Variants in IGDCC4 observed in about 807,000 individuals in gnomAD.
IGDCC4 encodes the protein likely ortholog of mouse neighbor of Punc E11.
A neutral mutation model predicts 116.6 loss-of-function variants in IGDCC4; 72 were observed. That is an observed-to-expected ratio of 0.62 (90% CI 0.51 to 0.75). The LOEUF (loss-of-function observed/expected upper bound fraction) is 0.75, where lower values mean the gene tolerates loss of function less well. Among genes scored for constraint, IGDCC4 ranks in the 30% least tolerant of loss-of-function variants. The pLI is 0.00. For missense variants in IGDCC4, 1,501 were observed against 1,662.4 expected, an observed-to-expected ratio of 0.90 and a Z score of 1.69; for synonymous variants, 709 against 719.9, an observed-to-expected ratio of 0.98 and a Z score of 0.24.
At chr15:65,390,131 A>G (rs779046616) in intron 13 of IGDCC4, 24 bp downstream of exon 13, 6 of 1,524,616 alleles carry the variant, frequency 3.9e-6, no homozygotes, top group East Asian at 2.3e-5. Flanking sequence ...CCTTCTTTAC[A>G]TTAGTAAAGG....
intron 18 of IGDCC4, chr15:65,385,337 C>T (rs995401786): frequency 1.7e-6 from 1 of 580,518 alleles, no homozygotes; most frequent in Non-Finnish European, 3.0e-6. Context: ...GAACACCAGA[C>T]GCTCTGCAAA....
At chr15:65,409,558 G>A (rs1183303550) in intron 3 of IGDCC4, among the ~76,000 whole-genome samples, 1 of 152,202 alleles carries the variant, frequency 6.6e-6, no homozygotes, top group Non-Finnish European at 1.5e-5. Flanking sequence ...TACCCAGGAA[G>A]CCACAAGAGG....
At chr15:65,396,220 C>CCCCCCCCCCCCCCCCCCT (rs1567084979) in intron 6 of IGDCC4, 57 bp from the exon 7 acceptor site, 1 of 1,321,438 alleles carries the variant, frequency 7.6e-7, no homozygotes, top group Non-Finnish European at 9.7e-7. Flanking sequence ...GTCTCTGCCC[C>CCCCCCCCCCCCCCCCCCT]CCCCCCAGTA....
chr15:65,399,625 T>C (rs1295917267), intron 5 of IGDCC4, among the ~76,000 whole-genome samples: 1 of 152,196 alleles, frequency 6.6e-6, no homozygotes. Flanking sequence ...ACAAGGGTCC[T>C]GCTGGCCCCC....
Position 65,384,386 on chromosome 15 carries a change from T to C in IGDCC4, c.3376A>G (p.Arg1126Gly). The change falls in exon 20 of 20, where the codon AGG becomes GGG. Residue 1126 changes from arginine to glycine, a missense_variant. This residue lies in a region of IGDCC4 where 368 missense variants were observed against 355.6 expected (regional missense o/e 1.03). Coordinates refer to ENST00000352385, the MANE Select transcript of IGDCC4 (RefSeq NM_020962.3). The surrounding 1 kb of genome is among the most constrained non-coding windows in gnomAD (Gnocchi z 4.9). ...NGRKKSPPAC[R>G]NQVEAEVIVH... ...ATGACTTCAGCCTCCACCTGGTTCC[T>C]GCAGGCTGGGGGTGACTTCTTCCTC... 6.5e-7 allele frequency: 1 copy of C among 1,534,414 alleles called. No individual in the cohort carries two copies. Among genetic ancestry groups the C allele is most frequent in the Non-Finnish European group, 8.7e-7 (1 of 1,142,926 alleles).
rs2091426612 is a variant in IGDCC4, at chr15:65,383,944, G to A, written c.*65C>T. ...ACAGGCACACATGTGGACATACACG[G>A]CCACAGGTATCGCATCCTATGTGAT... On this transcript the variant is annotated 3_prime_UTR_variant, in exon 20 of 20. Transcript: ENST00000352385. The A allele has an allele frequency of 2.8e-6, 4 of 1,407,824 alleles. No individual in the cohort carries two copies. Among genetic ancestry groups the A allele is most frequent in the Non-Finnish European group, 2.9e-6 (3 of 1,049,204 alleles). The allele number at this position is 1,407,824 out of a possible 1,614,324, so 87.2% of individuals were successfully genotyped here.
chr15:65,422,248 G>A lies in IGDCC4; in HGVS notation c.70+545C>T, dbSNP rs139877393. ...CACCCCCAGTCAAACGGGATCCATC[G>A]CTCTGTCCCCCACTATGGGCAAGGA... On this transcript the variant is annotated intron_variant, in intron 1 of 19. Transcript: ENST00000352385. 2.0e-5 allele frequency among the ~76,000 whole-genome samples: 3 copies of A among 152,012 alleles called. No homozygotes were observed. The East Asian group carries it at 5.8e-4, about 30-fold the overall frequency.
At chr15:65,414,141 A>C (rs974224621) in intron 1 of IGDCC4, among the ~76,000 whole-genome samples, 3 of 152,210 alleles carry the variant, frequency 2.0e-5, no homozygotes, top group Non-Finnish European at 4.4e-5. Context: ...CCTTCCCACC[A>C]GCTCCAAAGA....
intron 13 of IGDCC4, 53 bp downstream of exon 13, chr15:65,390,102 C>A (rs201844312): frequency 3.3e-5 from 49 of 1,466,640 alleles, no homozygotes; most frequent in Non-Finnish European, 7.4e-6. Flanking sequence ...CCACCACCAC[C>A]CCCCACCTAT....
chr15:65,412,495 G>A (rs1318325003), intron 1 of IGDCC4, among the ~76,000 whole-genome samples: 2 of 98,062 alleles, frequency 2.0e-5, no homozygotes, highest in East Asian at 7.2e-4. Flanking sequence ...CTGGGTGACA[G>A]AATGAGATTC....
rs914670016 is a variant in IGDCC4, at chr15:65,382,105, A to AT, written c.*1903_*1904insA. On this transcript the variant is annotated 3_prime_UTR_variant, in exon 20 of 20. Transcript: ENST00000352385. ...TTTTTTTTCTTCTTTAAAAAAAAAAAATCAAACCAGCAAAATAAAATGAGG... is the reference window on the plus strand; with the variant it reads ...TTTTTTTTCTTCTTTAAAAAAAAAAATATCAAACCAGCAAAATAAAATGAGG... 6.6e-6 allele frequency: 1 copy of AT among 152,546 alleles called. No homozygotes were observed. The highest frequency in any genetic ancestry group is 1.5e-5 in the Non-Finnish European group (1 of 68,026). The allele number at this position is 152,546 out of a possible 1,614,324, so 9.4% of individuals were successfully genotyped here. A position where few individuals can be genotyped will look rare whatever the true frequency, so the allele number is the denominator to read the frequency against.
intron 1 of IGDCC4, among the ~76,000 whole-genome samples, chr15:65,415,642 T>C (rs187272924): frequency 1.0e-3 from 154 of 152,240 alleles, no homozygotes; most frequent in African/African-American, 3.5e-3. Flanking sequence ...AACTGAGGCC[T>C]GGGGAGGGGT....
chr15:65,394,194 G>A (rs1469343213), intron 9 of IGDCC4, among the ~76,000 whole-genome samples: 1 of 152,036 alleles, frequency 6.6e-6, no homozygotes, highest in African/African-American at 2.4e-5. Context: ...GAGGGGTTGG[G>A]GTGAGAGCCC....
In IGDCC4 at chr15:65,395,746, G is replaced by C. The variant is rs372081745; in HGVS notation, c.1411+4C>G. On this transcript the variant is annotated splice_donor_region_variant and intron_variant, in intron 7 of 19. Transcript: ENST00000352385. ...CTGGTGCATCCCGCCCCAGGCCGAC[G>C]TACCCCGTGCCTTCTGGTAGTGGAG... is the stretch of plus-strand genomic sequence containing the variant. 2 of 1,435,920 alleles carry C rather than the reference G, an allele frequency of 1.4e-6. No homozygotes were observed. Among genetic ancestry groups the C allele is most frequent in the South Asian group, 1.4e-5 (1 of 69,132 alleles). 88.9% of individuals were successfully genotyped at this position (1,435,920 alleles called of 1,614,324 possible). A position where few individuals can be genotyped will look rare whatever the true frequency, so the allele number is the denominator to read the frequency against.
Position 65,411,067 on chromosome 15 carries a change from C to T in IGDCC4, c.374G>A (p.Gly125Asp), listed in dbSNP as rs775747346. Residue 125 changes from glycine to aspartate, a missense_variant, in exon 2 of 20, where the codon GGC becomes GAC. Physicochemically the swap from Gly to Asp is moderately conservative, Grantham distance 94 (BLOSUM62 -1). Transcript: ENST00000352385. ...CTGGCTGGCCAGCACTCCGAGGGGG[C>T]CGTGGGCTAGGCACGAATAGTTGCC... is the stretch of plus-strand genomic sequence containing the variant. ...IEGNYSCLAHGPLGVLASQTA... is the reference protein window; with the variant it reads ...IEGNYSCLAHDPLGVLASQTA... 1 of 1,613,950 alleles carries T rather than the reference C, an allele frequency of 6.2e-7. No homozygotes were observed. The highest frequency in any genetic ancestry group is 1.7e-5 in the Admixed American group (1 of 60,004).
rs780946220 is a variant in IGDCC4, at chr15:65,384,189, G to A, written c.3573C>T (p.Ala1191=). Residue 1191 remains alanine (A), a synonymous_variant, in exon 20 of 20, where the codon GCC becomes GCT. Transcript: ENST00000352385. This position sits in a 1 kb window ranked among gnomAD's most constrained non-coding sequence, Gnocchi z 4.9. ...DRELGGCELA[A]PGPDRLTCLP... Reference sequence around the variant, plus strand: ...AGCAGGTAAGTCTGTCTGGCCCGGGGGCTGCCAGCTCACACCCTCCCAACT... The same window carrying A: ...AGCAGGTAAGTCTGTCTGGCCCGGGAGCTGCCAGCTCACACCCTCCCAACT... The A allele has an allele frequency of 6.2e-7, 1 of 1,612,496 alleles. No homozygotes were observed.
At position 65,422,838 on chromosome 15, in the gene IGDCC4, C is replaced by G; in HGVS notation, c.25G>C (p.Gly9Arg). Residue 9 changes from glycine (G) to arginine (R), a missense_variant, in exon 1 of 20, where the codon GGC becomes CGC. Gly to Arg is a moderately radical substitution (Grantham distance 125, BLOSUM62 -2). Coordinates refer to ENST00000352385, the MANE Select transcript of IGDCC4 (RefSeq NM_020962.3). MARGDAGR[G>R]RGLLALTFCL... ...AAGGTCAACGCGAGGAGCCCGCGGC[C>G]GCGGCCGGCGTCCCCCCGCGCCATG... 1 of 1,210,424 alleles carries G rather than the reference C, an allele frequency of 8.3e-7. No individual in the cohort carries two copies. 75.0% of individuals were successfully genotyped at this position (1,210,424 alleles called of 1,614,324 possible).
At chr15:65,397,268 C>G (rs1376583375) in intron 5 of IGDCC4, among the ~76,000 whole-genome samples, 1 of 152,196 alleles carries the variant, frequency 6.6e-6, no homozygotes, top group Admixed American at 6.5e-5. Context: ...TCAGCACACT[C>G]GTCAGTTTTC....
intron 13 of IGDCC4, 111 bp from the exon 14 acceptor site, chr15:65,389,522 GAAGGGAA>G: frequency 4.7e-6 from 7 of 1,479,228 alleles, no homozygotes; most frequent in Non-Finnish European, 5.6e-6. Flanking sequence ...TCTACCCTGG[GAAGGGAA>G]GCTGCTCCCT....
Sources: allele counts gnomAD v4.1 joint callset (sites outside exome capture counted in the v4.1 genomes callset), GRCh38; gene constraint gnomAD v4.1.1; regional missense constraint gnomAD v4.1.1; non-coding constraint Gnocchi (gnomAD v3.1); transcripts MANE v1.5; gene names NCBI Gene and HGNC (gene_info 2026-07-23, HGNC 2026-07-21).